The following PCSK6 variants were observed in gnomAD, a reference collection of about 807,000 sequenced individuals.
The protein encoded by PCSK6 is paired basic amino acid cleaving enzyme 4.
Under a neutral mutation model 123.3 loss-of-function variants are expected in PCSK6, and 85 were observed. That is an observed-to-expected ratio of 0.69 (90% confidence interval 0.58 to 0.83). The LOEUF (loss-of-function observed/expected upper bound fraction) is 0.83. Ranked by LOEUF, PCSK6 falls within the 40% of genes least tolerant of loss-of-function variation. The pLI, the probability that PCSK6 is intolerant of heterozygous loss-of-function variation, is 0.00. For missense variants in PCSK6, 1,191 were observed against 1,282.3 expected (o/e 0.93, Z 1.09); for synonymous variants, 508 against 516.0 (o/e 0.98, Z 0.21).
chr15:101,489,168 C>G (rs1359586991), intron 1 of PCSK6, among the ~76,000 whole-genome samples: 1 of 12,024 alleles, frequency 8.3e-5, no homozygotes, highest in Non-Finnish European at 2.9e-4. Flanking sequence ...GTCCCCCCCA[C>G]CCCGCCGAGT....
In PCSK6 at chr15:101,489,629, C is replaced by CGGCGGCCGGGGCCCGGGCGCA; in HGVS notation, c.21_41dup (p.Ala8_Pro14dup). The CGGCGGCCGGGGCCCGGGCGCA allele has an allele frequency of 1.0e-6, 1 of 974,016 alleles. No homozygotes were observed. The highest frequency in any genetic ancestry group is 1.2e-6 in the Non-Finnish European group (1 of 824,926). The allele number at this position is 974,016 out of a possible 1,614,324, so 60.3% of individuals were successfully genotyped here. Reference sequence around the variant, plus strand: ...TGTCGGTGGCGGCGGCGGCCCGGGGCGGCGGCCGGGGCCCGGGCGCAGGCG... The same window carrying CGGCGGCCGGGGCCCGGGCGCA: ...TGTCGGTGGCGGCGGCGGCCCGGGGCGGCGGCCGGGGCCCGGGCGCAGGCGGCCGGGGCCCGGGCGCAGGCG... On this transcript the variant is annotated inframe_insertion, in exon 1 of 22. Coordinates refer to ENST00000611716, the MANE Select transcript of PCSK6 (RefSeq NM_002570.5).
intron 16 of PCSK6, among the ~76,000 whole-genome samples, chr15:101,326,145 G>C (rs2040247179): frequency 1.3e-5 from 2 of 152,256 alleles, no homozygotes; most frequent in Admixed American, 6.5e-5. Context: ...TATAAGCACG[G>C]ACGCCAACGT....
intron 1 of PCSK6, among the ~76,000 whole-genome samples, chr15:101,476,301 A>G (rs1252383934): frequency 1.3e-5 from 2 of 152,212 alleles, no homozygotes; most frequent in Non-Finnish European, 2.9e-5. Context: ...AGAAATTCTC[A>G]CAAGTGCAGA....
chr15:101,362,002 G>C (rs1271224116), intron 13 of PCSK6, among the ~76,000 whole-genome samples: 3 of 132,278 alleles, frequency 2.3e-5, no homozygotes, highest in Non-Finnish European at 4.6e-5. Context: ...TATCATCCAG[G>C]CTGGAGTGCA....
chr15:101,333,561 CA>C (rs1021286891), intron 13 of PCSK6, among the ~76,000 whole-genome samples: 47 of 152,322 alleles, frequency 3.1e-4, no homozygotes, highest in African/African-American at 1.1e-3. Context: ...TGTGTTTTCT[CA>C]ACACTTACCT....
chr15:101,438,124 C>T (rs1596333141), intron 2 of PCSK6, among the ~76,000 whole-genome samples: 1 of 152,306 alleles, frequency 6.6e-6, no homozygotes, highest in East Asian at 1.9e-4. Flanking sequence ...AAGTGTGAGA[C>T]AATACGGTTC....
chr15:101,344,766 C>A (rs1326476044), intron 13 of PCSK6, among the ~76,000 whole-genome samples: 1 of 152,082 alleles, frequency 6.6e-6, no homozygotes, highest in Non-Finnish European at 1.5e-5. Context: ...ATCCTCCTGC[C>A]TCAGCCTCTT....
At chr15:101,481,704 G>C (rs1051655191) in intron 1 of PCSK6, among the ~76,000 whole-genome samples, 1 of 152,208 alleles carries the variant, frequency 6.6e-6, no homozygotes, top group Non-Finnish European at 1.5e-5. Context: ...TAGGCCTCCA[G>C]CTCTGCCACT....
intron 1 of PCSK6, among the ~76,000 whole-genome samples, chr15:101,470,437 C>T (rs896615253): frequency 1.3e-5 from 2 of 152,144 alleles, no homozygotes; most frequent in Non-Finnish European, 2.9e-5. Context: ...TTTCCCCATA[C>T]ACTGTGCTGT....
rs2042468274 is a variant in PCSK6, at chr15:101,398,052, G to A, written c.996+352C>T. 6.6e-6 allele frequency among the ~76,000 whole-genome samples: 1 copy of A among 152,218 alleles called. No individual in the cohort carries two copies. Among genetic ancestry groups the A allele is most frequent in the South Asian group, 2.1e-4 (1 of 4,832 alleles). ...GCAGGTGGGCCGAGGCCCCTGCAGA[G>A]TCCAAGTAACAGGCCAGGTGAGCTG... On this transcript the variant is annotated intron_variant, in intron 7 of 21. Transcript: ENST00000611716. The surrounding 1 kb of genome is among the most constrained non-coding windows in gnomAD (Gnocchi z 4.6).
intron 6 of PCSK6, among the ~76,000 whole-genome samples, chr15:101,423,218 G>T (rs1436740953): frequency 6.6e-6 from 1 of 151,436 alleles, no homozygotes; most frequent in Non-Finnish European, 1.5e-5. Context: ...AGTAAAAAAA[G>T]AGTCAAATGG....
chr15:101,317,179 C>T (rs984444118), intron 19 of PCSK6, among the ~76,000 whole-genome samples: 3 of 152,034 alleles, frequency 2.0e-5, no homozygotes, highest in African/African-American at 7.2e-5. Context: ...CCCAAAGTGC[C>T]GGGATTACAG....
intron 21 of PCSK6, among the ~76,000 whole-genome samples, chr15:101,306,265 G>A (rs372153084): frequency 4.2e-4 from 64 of 152,076 alleles, no homozygotes; most frequent in African/African-American, 1.4e-3. Context: ...ACTTTTTTGG[G>A]CTAGATACAT....
rs71287806 is a variant in PCSK6 at position 101,373,081 on chromosome 15, GA to G, written c.1533-2559del. Among the ~76,000 whole-genome samples, 2,092 of 149,618 alleles carry G rather than the reference GA, an allele frequency of 0.014. 136 individuals carry two copies. The East Asian group carries it at 0.2, about 14-fold the overall frequency. ...GCCCCACCCACAGAGCGAACACCTA[GA>G]AAAAAAAAATCATTTCAGAGTATGA... On this transcript the variant is annotated intron_variant, in intron 11 of 21. Coordinates refer to ENST00000611716, the MANE Select transcript of PCSK6 (RefSeq NM_002570.5).
chr15:101,369,362 C>T (rs933670613), intron 12 of PCSK6, among the ~76,000 whole-genome samples: 1 of 150,340 alleles, frequency 6.7e-6, no homozygotes, highest in African/African-American at 2.4e-5. Context: ...TCGCTAGCCC[C>T]TGTTTCTGAA....
intron 6 of PCSK6, among the ~76,000 whole-genome samples, chr15:101,413,035 GGAGGAGGAA>G: frequency 6.6e-6 from 1 of 151,572 alleles, no homozygotes; most frequent in East Asian, 1.9e-4. Context: ...AGGAGGAGGA[GGAGGAGGAA>G]AAAAAGTAGT....
chr15:101,344,007 C>G (rs553570561), intron 13 of PCSK6, among the ~76,000 whole-genome samples: 1 of 151,638 alleles, frequency 6.6e-6, no homozygotes, highest in Non-Finnish European at 1.5e-5. Context: ...ATGTGGGAGG[C>G]GGAGGTTGCA....
At chr15:101,463,543 G>T (rs2057386142) in intron 1 of PCSK6, among the ~76,000 whole-genome samples, 1 of 152,182 alleles carries the variant, frequency 6.6e-6, no homozygotes, top group Non-Finnish European at 1.5e-5. Context: ...TTCCTGCTGA[G>T]ACCTCCACTG....
chr15:101,479,014 C>A (rs2057801878), intron 1 of PCSK6, among the ~76,000 whole-genome samples: 1 of 152,202 alleles, frequency 6.6e-6, no homozygotes, highest in African/African-American at 2.4e-5. Flanking sequence ...ATTCACTAAA[C>A]CTTCTCAGTG....
Sources: gnomAD v4.1 joint callset for allele counts (sites outside exome capture counted in the v4.1 genomes callset) on GRCh38, gnomAD v4.1.1 for gene constraint, Gnocchi (gnomAD v3.1) non-coding constraint, MANE v1.5 for transcripts, NCBI Gene and HGNC (gene_info 2026-07-23, HGNC 2026-07-21) for gene names.